Variants in DECR1 observed in about 807,000 individuals in gnomAD.
DECR1 encodes the protein 2,4-dienoyl-CoA reductase 1.
Under a neutral mutation model 38.8 loss-of-function variants are expected in DECR1, and 44 were observed. The ratio of observed to expected loss-of-function variants is 1.13; its 90% confidence interval spans 0.89 to 1.46. DECR1 has a LOEUF of 1.46. Ranked by LOEUF, DECR1 falls within the 40% of genes most tolerant of loss-of-function variation. The pLI is 0.00. For missense variants in DECR1, 428 were observed against 405.5 expected (o/e 1.06, Z -0.48); for synonymous variants, 148 against 135.2 (o/e 1.09, Z -0.66).
At chr8:90,017,475 A>T (rs1260515959) in intron 2 of DECR1, 149 bp downstream of exon 2, 1 of 506,814 alleles carries the variant, frequency 2.0e-6, no homozygotes. Context: ...ATTTAAATAC[A>T]TCTTTTTGGA....
At chr8:90,023,013 A>G (rs184715941) in intron 5 of DECR1, among the ~76,000 whole-genome samples, 11 of 152,192 alleles carry the variant, frequency 7.2e-5, no homozygotes, top group African/African-American at 2.7e-4. Flanking sequence ...AAGCTGACAG[A>G]GTTTGGAGAA....
intron 5 of DECR1, among the ~76,000 whole-genome samples, chr8:90,032,085 T>C (rs1363507073): frequency 6.6e-6 from 1 of 152,154 alleles, no homozygotes; most frequent in Non-Finnish European, 1.5e-5. Context: ...CTGGTTTCTC[T>C]GCTTCAGATC....
chr8:90,021,452 G>A (rs1444152147), intron 5 of DECR1, among the ~76,000 whole-genome samples: 1 of 152,196 alleles, frequency 6.6e-6, no homozygotes, highest in African/African-American at 2.4e-5. Context: ...GATGTCATTA[G>A]AGATGGGGAA....
rs1473165048 is a variant in DECR1, at chr8:90,052,523, T to C, written c.*626T>C. The stretch of plus-strand genomic sequence containing the variant: ...CTTATAAATAATTATTTATGATACA[T>C]TGTGATAAGTATTATTCCAGCAGTA... On this transcript the variant is annotated 3_prime_UTR_variant, in exon 10 of 10. Transcript: ENST00000220764. Among the ~76,000 whole-genome samples the C allele has an allele frequency of 6.6e-6, 1 of 152,118 alleles. No individual in the cohort carries two copies. The highest frequency in any genetic ancestry group is 1.5e-5 in the Non-Finnish European group (1 of 68,006).
chr8:90,004,325 C>T (rs1444114530), intron 1 of DECR1, among the ~76,000 whole-genome samples: 2 of 140,376 alleles, frequency 1.4e-5, no homozygotes, highest in African/African-American at 2.7e-5. Flanking sequence ...CCAGCCTGGG[C>T]AACAAAGTGA....
intron 1 of DECR1, among the ~76,000 whole-genome samples, chr8:90,010,677 G>A (rs1812862043): frequency 6.6e-6 from 1 of 152,178 alleles, no homozygotes; most frequent in Non-Finnish European, 1.5e-5. Context: ...ATTCCAGTTG[G>A]AGTAAATTTG....
intron 5 of DECR1, among the ~76,000 whole-genome samples, chr8:90,028,092 A>T (rs575666567): frequency 6.6e-6 from 1 of 152,228 alleles, no homozygotes; most frequent in South Asian, 2.1e-4. Context: ...TTATATGCAG[A>T]TGTTACCTCG....
At chr8:90,039,989 T>G (rs770939933) in intron 6 of DECR1, among the ~76,000 whole-genome samples, 57 of 152,220 alleles carry the variant, frequency 3.7e-4, no homozygotes, top group Admixed American at 7.9e-4. Context: ...TGAGGTGGAT[T>G]CATTATCAGA....
intron 5 of DECR1, among the ~76,000 whole-genome samples, chr8:90,023,514 G>A (rs1182363598): frequency 6.6e-6 from 1 of 151,766 alleles, no homozygotes; most frequent in African/African-American, 2.4e-5. Flanking sequence ...TATTTTATTG[G>A]ATGGGACCTT....
At chr8:90,050,348 C>T (rs1814043574) in intron 8 of DECR1, among the ~76,000 whole-genome samples, 1 of 152,204 alleles carries the variant, frequency 6.6e-6, no homozygotes, top group African/African-American at 2.4e-5. Flanking sequence ...ACAACCCCAT[C>T]ACAAAGTGGG....
intron 1 of DECR1, among the ~76,000 whole-genome samples, chr8:90,016,366 G>C (rs1813005963): frequency 6.6e-6 from 1 of 152,170 alleles, no homozygotes; most frequent in Non-Finnish European, 1.5e-5. Context: ...GTCGGGTGTG[G>C]TGGCTCATGC....
chr8:90,040,646 C>A (rs1181439166), intron 6 of DECR1, among the ~76,000 whole-genome samples: 1 of 152,074 alleles, frequency 6.6e-6, no homozygotes, highest in Non-Finnish European at 1.5e-5. Context: ...CTTGACAGAC[C>A]CAGTGTGTGA....
Position 90,020,962 on chromosome 8 carries a change from T to C in DECR1, c.471T>C (p.Ser157=), listed in dbSNP as rs1813142129. 2 of 1,594,068 alleles carry C rather than the reference T, an allele frequency of 1.3e-6. No homozygotes were observed. The highest frequency in any genetic ancestry group is 1.7e-6 in the Non-Finnish European group (2 of 1,172,198). Residue 157 remains serine (S), a synonymous_variant, in exon 5 of 10, where the codon TCT becomes TCC. Coordinates refer to ENST00000220764, the MANE Select transcript of DECR1 (RefSeq NM_001359.2). The part of the protein sequence containing the change: ...GNFISPTERL[S]PNAWKTITDI... The stretch of plus-strand genomic sequence containing the variant: ...TTATTTCTCCTACTGAAAGACTTTC[T>C]CCTAATGCTTGGAAAACCATAACTG...
At chr8:90,006,473 G>T (rs891059573) in intron 1 of DECR1, among the ~76,000 whole-genome samples, 1 of 152,234 alleles carries the variant, frequency 6.6e-6, no homozygotes. Flanking sequence ...TGAGCAGCCT[G>T]TTGGCTGCGT....
intron 5 of DECR1, 130 bp downstream of exon 5, chr8:90,021,186 A>G (rs1813153971): frequency 3.4e-6 from 2 of 592,650 alleles, no homozygotes; most frequent in Non-Finnish European, 5.1e-6. Context: ...ATGGAGAAAA[A>G]TGATATTTAA....
At chr8:90,040,093 A>G (rs1280766037) in intron 6 of DECR1, among the ~76,000 whole-genome samples, 1 of 152,226 alleles carries the variant, frequency 6.6e-6, no homozygotes. Flanking sequence ...CTCTGAGCAC[A>G]GAGAGGATGG....
Position 90,018,789 on chromosome 8 carries a change from A to G in DECR1, c.273-120A>G, listed in dbSNP as rs184650731. On this transcript the variant is annotated intron_variant, in intron 2 of 9. Coordinates refer to ENST00000220764, the MANE Select transcript of DECR1 (RefSeq NM_001359.2). The stretch of plus-strand genomic sequence containing the variant: ...AGAAAAAATTCACATTGATTTTTGT[A>G]TATAAATAACATCTATACTTTCTCA... 830 of 783,536 alleles carry G rather than the reference A, an allele frequency of 1.1e-3. 6 individuals carry two copies. The highest frequency in any genetic ancestry group is 1.5e-3 in the Non-Finnish European group (725 of 470,850). 48.5% of individuals were successfully genotyped at this position (783,536 alleles called of 1,614,324 possible). A position where few individuals can be genotyped will look rare whatever the true frequency, so the allele number is the denominator to read the frequency against.
intron 7 of DECR1, among the ~76,000 whole-genome samples, chr8:90,043,695 G>A (rs936110516): frequency 6.6e-6 from 1 of 152,152 alleles, no homozygotes; most frequent in Non-Finnish European, 1.5e-5. Flanking sequence ...ATGGGAAATA[G>A]AAACAAAAAC....
intron 5 of DECR1, among the ~76,000 whole-genome samples, chr8:90,026,739 C>G (rs2130088155): frequency 6.6e-6 from 1 of 152,140 alleles, no homozygotes; most frequent in East Asian, 1.9e-4. Flanking sequence ...CTGCTCTGAT[C>G]TTAGTAATTT....
Sources: gnomAD v4.1 joint callset for allele counts (sites outside exome capture counted in the v4.1 genomes callset) on GRCh38, gnomAD v4.1.1 for gene constraint, MANE v1.5 for transcripts, NCBI Gene and HGNC (gene_info 2026-07-23, HGNC 2026-07-21) for gene names.